The following PLCH1 variants were observed in gnomAD, a reference collection of about 807,000 sequenced individuals.
The protein encoded by PLCH1 is phospholipase C eta 1, also known as 1-phosphatidylinositol 4,5-bisphosphate phosphodiesterase eta-1.
A neutral mutation model predicts 126.7 loss-of-function variants in PLCH1; 60 were observed. The observed-to-expected ratio is 0.47, with a 90% confidence interval of 0.38 to 0.59. PLCH1 has a LOEUF of 0.59. Among genes scored for constraint, PLCH1 ranks in the 20% least tolerant of loss-of-function variants. PLCH1 has a pLI of 0.00. For synonymous variants in PLCH1, 719 were observed against 734.9 expected, an observed-to-expected ratio of 0.98 and a Z score of 0.35; for missense variants, 1,723 against 2,040.0, an observed-to-expected ratio of 0.84 and a Z score of 2.99.
At chr3:155,460,578 T>G (rs2107972929) in intron 21 of PLCH1, among the ~76,000 whole-genome samples, 1 of 152,238 alleles carries the variant, frequency 6.6e-6, no homozygotes, top group Non-Finnish European at 1.5e-5. Context: ...AGGAGCAGTG[T>G]TAGCCCCCCC....
chr3:155,582,426 G>A (rs1415031164), intron 6 of PLCH1, among the ~76,000 whole-genome samples: 1 of 152,066 alleles, frequency 6.6e-6, no homozygotes, highest in Non-Finnish European at 1.5e-5. Flanking sequence ...ACACTTAAAT[G>A]TATACTTTAA....
At chr3:155,620,174 T>G (rs1183633679) in intron 2 of PLCH1, among the ~76,000 whole-genome samples, 1 of 152,184 alleles carries the variant, frequency 6.6e-6, no homozygotes, top group Non-Finnish European at 1.5e-5. Flanking sequence ...AATCAAAGTA[T>G]GCATAGATAA....
chr3:155,500,637 G>T, intron 14 of PLCH1, 66 bp downstream of exon 14: 1 of 945,606 alleles, frequency 1.1e-6, no homozygotes, highest in South Asian at 1.4e-5. Context: ...CAAGAAAAAT[G>T]ACTAAGCTGA....
At chr3:155,569,939 A>G (rs1187010012) in intron 6 of PLCH1, among the ~76,000 whole-genome samples, 1 of 152,224 alleles carries the variant, frequency 6.6e-6, no homozygotes, top group African/African-American at 2.4e-5. Flanking sequence ...GGATACAGTG[A>G]AGACTTTTAT....
At chr3:155,662,896 T>C (rs1742332527) in intron 2 of PLCH1, among the ~76,000 whole-genome samples, 1 of 152,226 alleles carries the variant, frequency 6.6e-6, no homozygotes, top group Non-Finnish European at 1.5e-5. Flanking sequence ...ACTCCTGACC[T>C]CAGGTAATCC....
At chr3:155,587,275 A>G (rs957035249) in intron 4 of PLCH1, among the ~76,000 whole-genome samples, 11 of 152,138 alleles carry the variant, frequency 7.2e-5, no homozygotes, top group Non-Finnish European at 1.2e-4. Flanking sequence ...CCTTTTACCT[A>G]CTATCTTTTT....
intron 10 of PLCH1, among the ~76,000 whole-genome samples, chr3:155,526,411 TC>T (rs1365351224): frequency 1.4e-5 from 2 of 143,980 alleles, no homozygotes; most frequent in African/African-American, 5.5e-5. Context: ...TCTCTCTTTC[TC>T]TCTCTCTCTT....
chr3:155,482,474 C>T lies in PLCH1; in HGVS notation c.3552G>A (p.Pro1184=), dbSNP rs746096045. Residue 1184 remains proline, a synonymous_variant, in exon 23 of 23, where the codon CCG becomes CCA. Transcript: ENST00000460012. ...DNVTLTNENE[P]GSSISALIGQ... is the part of the protein sequence containing the mutation. Reference sequence around the variant, plus strand: ...CAATCAGGGCTGAGATGGAACTGCCCGGCTCATTCTCATTTGTTAAAGTGA... The same window carrying T: ...CAATCAGGGCTGAGATGGAACTGCCTGGCTCATTCTCATTTGTTAAAGTGA... The T allele has an allele frequency of 5.0e-5, 81 of 1,613,884 alleles. No individual in the cohort carries two copies. The highest frequency in any genetic ancestry group is 6.7e-5 in the Admixed American group (4 of 59,984).
At chr3:155,604,741 G>T (rs1560234225) in intron 2 of PLCH1, among the ~76,000 whole-genome samples, 2 of 152,204 alleles carry the variant, frequency 1.3e-5, no homozygotes, top group Middle Eastern at 6.8e-3. Context: ...TGGCAAGTAG[G>T]GTCACCAGAG....
chr3:155,478,115 T>C (rs1402158743), downstream of PLCH1, among the ~76,000 whole-genome samples: 1 of 152,080 alleles, frequency 6.6e-6, no homozygotes, highest in African/African-American at 2.4e-5. Flanking sequence ...GAACTGGAGA[T>C]CATTAGGTTA....
intron 21 of PLCH1, among the ~76,000 whole-genome samples, chr3:155,458,453 G>GGAAAGAAAGAAAGAAAGAAA (rs796818041): frequency 4.2e-4 from 12 of 28,680 alleles, no homozygotes; most frequent in Admixed American, 7.7e-4. Flanking sequence ...AAGGAAGGAA[G>GGAAAGAAAGAAAGAAAGAAA]GAAAGAAAGA....
intron 2 of PLCH1, among the ~76,000 whole-genome samples, chr3:155,608,531 C>T (rs1734648144): frequency 6.6e-6 from 1 of 152,146 alleles, no homozygotes; most frequent in Admixed American, 6.5e-5. Context: ...GCTAGTTTCC[C>T]CCCACTTCCC....
intron 11 of PLCH1, among the ~76,000 whole-genome samples, chr3:155,518,764 A>G (rs1385772363): frequency 2.0e-5 from 3 of 152,178 alleles, no homozygotes; most frequent in African/African-American, 4.8e-5. Context: ...AAGAGCACCT[A>G]GGGTATCCAG....
chr3:155,503,721 A>T (rs1445796104), intron 13 of PLCH1, among the ~76,000 whole-genome samples: 1 of 152,128 alleles, frequency 6.6e-6, no homozygotes, highest in Non-Finnish European at 1.5e-5. Context: ...TATTTTTAGT[A>T]GAGACAGTGT....
Position 155,596,293 on chromosome 3 carries a change from G to A in PLCH1, c.165C>T (p.Tyr55=), listed in dbSNP as rs1392482793. 6.2e-7 allele frequency: 1 copy of A among 1,613,580 alleles called. No individual in the cohort carries two copies. The highest frequency in any genetic ancestry group is 8.5e-7 in the Non-Finnish European group (1 of 1,179,540). The change falls in exon 3 of 23, where the codon TAC becomes TAT. Residue 55 remains tyrosine (Y), a synonymous_variant. Coordinates refer to ENST00000460012, the MANE Select transcript of PLCH1 (RefSeq NM_014996.4). ...RGTKGLVRLF[Y]LDEHRTRLRW... is the part of the protein sequence containing the mutation. ...GGAGGCGTGTCCGGTGCTCATCCAG[G>A]TAAAAGAGGCGGACAAGCCCTTTGG...
In PLCH1 at chr3:155,481,612, G is replaced by C; in HGVS notation, c.4414C>G (p.Pro1472Ala). 2 of 1,614,154 alleles carry C rather than the reference G, an allele frequency of 1.2e-6. No individual in the cohort carries two copies. The highest frequency in any genetic ancestry group is 1.7e-6 in the Non-Finnish European group (2 of 1,180,040). Residue 1472 changes from proline (P) to alanine (A), a missense_variant, in exon 23 of 23, where the codon CCT (proline) becomes GCT (alanine). By Grantham distance (27) the Pro-to-Ala change is conservative (BLOSUM62 -1). Coordinates refer to ENST00000460012, the MANE Select transcript of PLCH1 (RefSeq NM_014996.4). The surrounding 1 kb of genome is among the most constrained non-coding windows in gnomAD (Gnocchi z 4.2). The stretch of plus-strand genomic sequence containing the variant: ...CTAGGCAGTTTCAGAGCAGGCAAAG[G>C]AAGATGTGCCAACTGCTTGGGTACA... ...VPVPKQLAHL[P>A]LPALKLPSPC...
intron 10 of PLCH1, among the ~76,000 whole-genome samples, chr3:155,530,461 T>G (rs1722522539): frequency 6.6e-6 from 1 of 151,732 alleles, no homozygotes; most frequent in Admixed American, 6.6e-5. Context: ...GGACTACAGG[T>G]GCCTGCCACC....
chr3:155,541,823 C>CA (rs1347554509), intron 10 of PLCH1, among the ~76,000 whole-genome samples: 4 of 151,818 alleles, frequency 2.6e-5, no homozygotes, highest in African/African-American at 9.7e-5. Flanking sequence ...TTGTTACACA[C>CA]ACACACACTC....
chr3:155,545,808 T>C (rs75635637), intron 10 of PLCH1, among the ~76,000 whole-genome samples: 122,700 of 151,220 alleles, frequency 0.81, 51,593 homozygotes, highest in Middle Eastern at 0.95. Flanking sequence ...TCTCAATAGA[T>C]GCAGAAAAGG....
Sources: allele counts gnomAD v4.1 joint callset (sites outside exome capture counted in the v4.1 genomes callset), GRCh38; gene constraint gnomAD v4.1.1; non-coding constraint Gnocchi (gnomAD v3.1); transcripts MANE v1.5; gene names NCBI Gene and HGNC (gene_info 2026-07-23, HGNC 2026-07-21).